FAM219A: variants seen among roughly 807,000 people sequenced by gnomAD.
The protein encoded by FAM219A is protein FAM219A.
FAM219A carries 7 observed loss-of-function variants against 23.4 expected under a neutral mutation model. That is an observed-to-expected ratio of 0.30 (90% confidence interval 0.17 to 0.56). The LOEUF (loss-of-function observed/expected upper bound fraction) is 0.56, where lower values mean the gene tolerates loss of function less well. FAM219A is among the 20% of genes least tolerant of loss of function. The pLI is 0.92. For synonymous variants in FAM219A, 93 were observed against 99.0 expected, an observed-to-expected ratio of 0.94 and a Z score of 0.36; for missense variants, 166 against 246.9, an observed-to-expected ratio of 0.67 and a Z score of 2.20.
rs1823815550 is a variant in FAM219A, at chr9:34,457,974, G to A, written c.60+230C>T. Among the ~76,000 whole-genome samples, 1 of 152,174 alleles carries A rather than the reference G, an allele frequency of 6.6e-6. No individual in the cohort carries two copies. Among genetic ancestry groups the A allele is most frequent in the African/African-American group, 2.4e-5 (1 of 41,440 alleles). On this transcript the variant is annotated intron_variant, in intron 1 of 5. Transcript: ENST00000651358. The surrounding 1 kb of genome is among the most constrained non-coding windows in gnomAD (Gnocchi z 5.1). ...CCTCCGTTCCATCCGACGGTGCCCTGCTTCCACCGACGGTGCCCTCCGCCC... is the reference window on the plus strand; with the variant it reads ...CCTCCGTTCCATCCGACGGTGCCCTACTTCCACCGACGGTGCCCTCCGCCC...
In FAM219A at chr9:34,457,701, GC is replaced by G. The variant is rs1416863147; in HGVS notation, c.60+502del. Among the ~76,000 whole-genome samples the G allele has an allele frequency of 6.6e-6, 1 of 151,704 alleles. No individual in the cohort carries two copies. Among genetic ancestry groups the G allele is most frequent in the East Asian group, 1.9e-4 (1 of 5,132 alleles). The stretch of plus-strand genomic sequence containing the variant: ...ACCACCTTCCCCCACTGGGTCCCTC[GC>G]CCCGGCCCAGCGTTCCTGTCCGTAT... On this transcript the variant is annotated intron_variant, in intron 1 of 5. Coordinates refer to ENST00000651358, the MANE Select transcript of FAM219A (RefSeq NM_001184940.2). This position sits in a 1 kb window ranked among gnomAD's most constrained non-coding sequence, Gnocchi z 5.1.
intron 1 of FAM219A, among the ~76,000 whole-genome samples, chr9:34,443,868 T>A (rs1252163313): frequency 6.6e-6 from 1 of 152,128 alleles, no homozygotes; most frequent in African/African-American, 2.4e-5. Context: ...ATGTGAAATA[T>A]GAGATTCCAT....
intron 1 of FAM219A, among the ~76,000 whole-genome samples, chr9:34,448,348 G>T (rs933092026): frequency 6.6e-6 from 1 of 152,176 alleles, no homozygotes; most frequent in East Asian, 1.9e-4. Flanking sequence ...TGTTCCCCCT[G>T]CTGAAGACCA....
chr9:34,440,224 C>T (rs780897008), intron 1 of FAM219A, among the ~76,000 whole-genome samples: 4 of 152,228 alleles, frequency 2.6e-5, no homozygotes, highest in Non-Finnish European at 5.9e-5. Flanking sequence ...AGACTTCCTG[C>T]TCCATCAGAT....
At chr9:34,424,889 A>G (rs979061283) in intron 1 of FAM219A, among the ~76,000 whole-genome samples, 6 of 152,068 alleles carry the variant, frequency 3.9e-5, no homozygotes, top group Non-Finnish European at 7.4e-5. Context: ...GGTCACTGCA[A>G]TCTCCACCTC....
intron 4 of FAM219A, among the ~76,000 whole-genome samples, chr9:34,401,972 CTTT>C (rs34584165): frequency 2.1e-5 from 3 of 140,428 alleles, no homozygotes; most frequent in Non-Finnish European, 1.6e-5. Context: ...CCCTTCTCAT[CTTT>C]TTTTTTTTTT....
At chr9:34,434,828 CTTTT>C (rs869206213) in intron 1 of FAM219A, among the ~76,000 whole-genome samples, 2 of 130,368 alleles carry the variant, frequency 1.5e-5, no homozygotes, top group African/African-American at 6.4e-5. Context: ...TTCTTTCTTT[CTTTT>C]TTTTTGAGAC....
intron 1 of FAM219A, among the ~76,000 whole-genome samples, chr9:34,445,875 A>T (rs1049397309): frequency 1.7e-4 from 26 of 152,290 alleles, no homozygotes; most frequent in African/African-American, 6.3e-4. Flanking sequence ...CACCTACCTT[A>T]AAAAGGAATT....
At chr9:34,411,634 AC>A (rs1454772534) in intron 1 of FAM219A, among the ~76,000 whole-genome samples, 3 of 147,162 alleles carry the variant, frequency 2.0e-5, no homozygotes, top group Non-Finnish European at 4.5e-5. Context: ...CCAAGATTGC[AC>A]CCCTGCACTC....
chr9:34,401,195 G>A, intron 5 of FAM219A, 73 bp from the exon 6 acceptor site: 2 of 1,549,706 alleles, frequency 1.3e-6, no homozygotes, highest in Non-Finnish European at 1.8e-6. Context: ...GGCCACTCCA[G>A]GCCGTCTGCG....
chr9:34,414,575 C>A (rs570537568), intron 1 of FAM219A, among the ~76,000 whole-genome samples: 43 of 152,296 alleles, frequency 2.8e-4, no homozygotes, highest in African/African-American at 8.2e-4. Context: ...ATCCCACTTA[C>A]AGGGAAAGAC....
At position 34,400,830 on chromosome 9, in the gene FAM219A, G is replaced by T. The variant is rs2131919642; in HGVS notation, c.*134C>A. ...ACGTCCTACCATAGGAGGAAGCAAT[G>T]ACTGTTATACGAGGTTGGCGGCTGT... On this transcript the variant is annotated 3_prime_UTR_variant, in exon 6 of 6. Coordinates refer to ENST00000651358, the MANE Select transcript of FAM219A (RefSeq NM_001184940.2). 1.1e-6 allele frequency: 1 copy of T among 879,592 alleles called. No individual in the cohort carries two copies. Among genetic ancestry groups the T allele is most frequent in the Non-Finnish European group, 1.6e-6 (1 of 611,848 alleles). The allele number at this position is 879,592 out of a possible 1,614,324, so 54.5% of individuals were successfully genotyped here. A position where few individuals can be genotyped will look rare whatever the true frequency, so the allele number is the denominator to read the frequency against.
At chr9:34,423,132 C>T (rs1048134659) in intron 1 of FAM219A, among the ~76,000 whole-genome samples, 6 of 152,062 alleles carry the variant, frequency 3.9e-5, no homozygotes, top group African/African-American at 7.2e-5. Flanking sequence ...TTGCACAGAG[C>T]GACAGAGTGA....
At chr9:34,444,411 A>G (rs1224361556) in intron 1 of FAM219A, among the ~76,000 whole-genome samples, 1 of 152,206 alleles carries the variant, frequency 6.6e-6, no homozygotes, top group Non-Finnish European at 1.5e-5. Context: ...TACAGGTCAT[A>G]TAATGTTGGA....
At chr9:34,404,630 C>T (rs1821568210) in intron 2 of FAM219A, among the ~76,000 whole-genome samples, 1 of 152,128 alleles carries the variant, frequency 6.6e-6, no homozygotes, top group South Asian at 2.1e-4. Flanking sequence ...ATCGCTTGAA[C>T]CAGGGAAGCG....
At chr9:34,439,010 G>A (rs539641553) in intron 1 of FAM219A, among the ~76,000 whole-genome samples, 12 of 150,994 alleles carry the variant, frequency 7.9e-5, no homozygotes, top group Non-Finnish European at 1.6e-4. Flanking sequence ...GAGACCACGA[G>A]CCCACCGGGA....
chr9:34,402,487 A>G lies in FAM219A; in HGVS notation c.264-20T>C, dbSNP rs376516096. The G allele has an allele frequency of 2.9e-5, 46 of 1,613,860 alleles. No individual in the cohort carries two copies. The highest frequency in any genetic ancestry group is 3.7e-5 in the Non-Finnish European group (44 of 1,179,968). On this transcript the variant is annotated intron_variant, in intron 3 of 5. Transcript: ENST00000651358. ...ACCAGCCTAGGTGAAGAATTTCGGG[A>G]GTTAGAGTGGCAAAGTGGAGCATAG...
intron 1 of FAM219A, among the ~76,000 whole-genome samples, chr9:34,420,837 G>A (rs1206641371): frequency 1.3e-5 from 2 of 152,056 alleles, no homozygotes; most frequent in East Asian, 3.9e-4. Flanking sequence ...AAACTTAGCC[G>A]GGTGTGGTAG....
rs904035446 is a variant in FAM219A, at chr9:34,458,047, T to C, written c.60+157A>G. On this transcript the variant is annotated intron_variant, in intron 1 of 5. Transcript: ENST00000651358. This position sits in a 1 kb window ranked among gnomAD's most constrained non-coding sequence, Gnocchi z 6.6. ...CCAGCATATTCTCCCACGGTTTTCT[T>C]GTCCTGCAAGTCCCCGTCCCCCGGC... is the stretch of plus-strand genomic sequence containing the variant. Among the ~76,000 whole-genome samples, 24 of 152,330 alleles carry C rather than the reference T, an allele frequency of 1.6e-4. No homozygotes were observed. Among genetic ancestry groups the C allele is most frequent in the African/African-American group, 5.8e-4 (24 of 41,574 alleles).
Sources: allele counts gnomAD v4.1 joint callset (sites outside exome capture counted in the v4.1 genomes callset), GRCh38; gene constraint gnomAD v4.1.1; non-coding constraint Gnocchi (gnomAD v3.1); transcripts MANE v1.5; gene names NCBI Gene and HGNC (gene_info 2026-07-23, HGNC 2026-07-21).